Variants in SPG11 observed in about 807,000 individuals in gnomAD.
The protein encoded by SPG11 is spatacsin.
In SPG11, 222 loss-of-function variants were observed where a neutral mutation model predicts 274.0. The ratio of observed to expected loss-of-function variants is 0.81; its 90% CI spans 0.73 to 0.91. The LOEUF (loss-of-function observed/expected upper bound fraction) is 0.91, where lower values mean the gene tolerates loss of function less well. SPG11 is among the 40% of genes least tolerant of loss of function. SPG11 has a pLI of 0.00. For synonymous variants in SPG11, 1,144 were observed against 1,039.7 expected, an observed-to-expected ratio of 1.10 and a Z score of -1.93; for missense variants, 3,114 against 2,872.7, an observed-to-expected ratio of 1.08 and a Z score of -1.92.
intron 38 of SPG11, among the ~76,000 whole-genome samples, chr15:44,565,330 A>G (rs552489557): frequency 3.9e-5 from 6 of 152,196 alleles, no homozygotes; most frequent in African/African-American, 9.6e-5. Flanking sequence ...CTGGAGGACA[A>G]TTTTTCCACA....
chr15:44,629,250 A>G lies in SPG11; in HGVS notation c.1874T>C (p.Leu625Pro), dbSNP rs1555456940. 1.2e-6 allele frequency: 2 copies of G among 1,614,084 alleles called. No individual in the cohort carries two copies. The highest frequency in any genetic ancestry group is 1.7e-6 in the Non-Finnish European group (2 of 1,179,964). Residue 625 changes from leucine to proline, a missense_variant, in exon 9 of 40, where the codon CTT becomes CCT. Transcript: ENST00000261866. Reference protein sequence around the residue: ...LSFLNNQIKELFIHTEELDEH... With the variant: ...LSFLNNQIKEPFIHTEELDEH... ...ATTCTTACCTTCAGTGTGAATGAAA[A>G]GCTCCTTTATTTGGTTGTTAAGGAA...
At chr15:44,595,976 A>C (rs1480846059) in intron 25 of SPG11, 107 bp downstream of exon 25, 8 of 1,435,320 alleles carry the variant, frequency 5.6e-6, no homozygotes, top group Non-Finnish European at 7.7e-6. Context: ...ACATGCTGGA[A>C]CCTCACTGTC....
chr15:44,640,236 G>C (rs903439536), intron 7 of SPG11, among the ~76,000 whole-genome samples: 1 of 151,796 alleles, frequency 6.6e-6, no homozygotes, highest in Non-Finnish European at 1.5e-5. Flanking sequence ...AAAACACTTA[G>C]AATGAACAAT....
intron 1 of SPG11, among the ~76,000 whole-genome samples, chr15:44,661,300 G>T (rs570518708): frequency 2.4e-4 from 37 of 152,288 alleles, no homozygotes; most frequent in Admixed American, 3.9e-4. Context: ...TGGCAAGACT[G>T]ATGGTGTTTC....
intron 33 of SPG11, 38 bp downstream of exon 33, chr15:44,572,645 T>C (rs368163475): frequency 1.2e-6 from 2 of 1,613,202 alleles, no homozygotes; most frequent in African/African-American, 2.7e-5. Context: ...GAGACCTGTT[T>C]AGGGCCAAAA....
chr15:44,612,056 G>A (rs960441756), intron 17 of SPG11, among the ~76,000 whole-genome samples: 2 of 152,050 alleles, frequency 1.3e-5, no homozygotes, highest in East Asian at 1.9e-4. Context: ...TGATCTGCCC[G>A]CCTTGGCCTC....
chr15:44,596,808 T>C lies in SPG11; in HGVS notation c.4137A>G (p.Gln1379=), dbSNP rs748617459. ...CCTCTGCTGGGTGGTAGTTGTGGAG[T>C]TGGCTGTGAATAATGAACTGCAGCC... ...NDWLQFIIHS[Q]LHNYHPAEVK... The change falls in exon 24 of 40, where the codon CAA becomes CAG. Residue 1379 remains glutamine, a synonymous_variant. Coordinates refer to ENST00000261866, the MANE Select transcript of SPG11 (RefSeq NM_025137.4). The C allele has an allele frequency of 1.5e-5, 25 of 1,613,720 alleles. No individual in the cohort carries two copies. Among genetic ancestry groups the C allele is most frequent in the South Asian group, 1.1e-4 (10 of 91,068 alleles).
intron 7 of SPG11, among the ~76,000 whole-genome samples, chr15:44,640,410 T>A (rs868860724): frequency 6.6e-6 from 1 of 152,044 alleles, no homozygotes; most frequent in Non-Finnish European, 1.5e-5. Flanking sequence ...GATATAAAGA[T>A]TAAATATCCT....
At chr15:44,624,154 T>A (rs2083830925) in intron 11 of SPG11, among the ~76,000 whole-genome samples, 1 of 151,136 alleles carries the variant, frequency 6.6e-6, no homozygotes, top group Non-Finnish European at 1.5e-5. Flanking sequence ...AAAGAAAATG[T>A]GGTGTATATA....
Position 44,622,313 on chromosome 15 carries a change from T to C in SPG11, c.2351A>G (p.Glu784Gly). The change falls in exon 13 of 40, where the codon GAA becomes GGA. Residue 784 changes from glutamate to glycine, a missense_variant. By Grantham distance (98) the Glu-to-Gly change is moderately conservative. Coordinates refer to ENST00000261866, the MANE Select transcript of SPG11 (RefSeq NM_025137.4). ...GAAGTCTATAGTTCTTTTCTCTTTT[T>C]CAGAAAAATAATTTTTTTCTTTTAA... ...EILKEKNYFS[E>G]KEKRTIDFVH... is the part of the protein sequence containing the mutation. The C allele has an allele frequency of 6.4e-7, 1 of 1,562,450 alleles. No individual in the cohort carries two copies. The highest frequency in any genetic ancestry group is 8.8e-7 in the Non-Finnish European group (1 of 1,141,812).
intron 29 of SPG11, 103 bp downstream of exon 29, chr15:44,585,533 C>T (rs371352277): frequency 1.2e-5 from 11 of 914,574 alleles, no homozygotes; most frequent in Admixed American, 2.1e-5. Context: ...ACCCGAGAGG[C>T]GGAGCTTGCA....
chr15:44,631,936 G>C (rs532886853), intron 8 of SPG11, among the ~76,000 whole-genome samples: 1 of 150,480 alleles, frequency 6.6e-6, no homozygotes, highest in East Asian at 2.0e-4. Flanking sequence ...CCTTTCCTGA[G>C]TAGCTGAGAC....
At chr15:44,608,983 A>G (rs1043264118) in intron 18 of SPG11, among the ~76,000 whole-genome samples, 2 of 152,210 alleles carry the variant, frequency 1.3e-5, no homozygotes, top group African/African-American at 2.4e-5. Flanking sequence ...ACCCAACTCT[A>G]AAGTTATTCT....
chr15:44,588,954 C>T (rs1595850264), intron 28 of SPG11, among the ~76,000 whole-genome samples: 1 of 152,282 alleles, frequency 6.6e-6, no homozygotes, highest in East Asian at 1.9e-4. Flanking sequence ...GCTAGGTCAG[C>T]GTCTGTGGGT....
At chr15:44,626,285 AATT>A in intron 11 of SPG11, 43 bp downstream of exon 11, 1 of 1,489,120 alleles carries the variant, frequency 6.7e-7, no homozygotes, top group Non-Finnish European at 9.1e-7. Flanking sequence ...AATAACTAGA[AATT>A]ATATTAAATA....
At chr15:44,566,075 C>G (rs916024339) in intron 37 of SPG11, 66 bp from the exon 38 acceptor site, 2 of 1,603,618 alleles carry the variant, frequency 1.2e-6, no homozygotes, top group Non-Finnish European at 8.5e-7. Flanking sequence ...TGTGAACCCT[C>G]ACAACGGTAT....
intron 2 of SPG11, 37 bp downstream of exon 2, chr15:44,660,395 A>G (rs1232718284): frequency 1.3e-6 from 2 of 1,594,464 alleles, no homozygotes; most frequent in Admixed American, 3.3e-5. Context: ...AATGTCACAA[A>G]TTTAAATATG....
intron 20 of SPG11, among the ~76,000 whole-genome samples, chr15:44,601,253 A>G (rs1183447691): frequency 6.6e-6 from 1 of 152,146 alleles, no homozygotes; most frequent in East Asian, 1.9e-4. Flanking sequence ...AGTATACAAC[A>G]TAATTGATTT....
chr15:44,585,556 C>G, intron 29 of SPG11, 80 bp downstream of exon 29: 1 of 1,183,788 alleles, frequency 8.4e-7, no homozygotes, highest in South Asian at 1.3e-5. Flanking sequence ...GAGCGGAGAT[C>G]GCGCCACTGC....
Sources: gnomAD v4.1 joint callset for allele counts (sites outside exome capture counted in the v4.1 genomes callset) on GRCh38, gnomAD v4.1.1 for gene constraint, MANE v1.5 for transcripts, NCBI Gene and HGNC (gene_info 2026-07-23, HGNC 2026-07-21) for gene names.